The following SNAP91 variants were observed in gnomAD, a reference collection of about 807,000 sequenced individuals.
The protein encoded by SNAP91 is clathrin coat assembly protein AP180.
SNAP91 carries 27 observed loss-of-function variants against 100.3 expected under a neutral mutation model. The ratio of observed to expected loss-of-function variants is 0.27; its 90% CI spans 0.20 to 0.37. The LOEUF is 0.37. Ranked by LOEUF, SNAP91 falls within the 10% of genes least tolerant of loss-of-function variation. The pLI, the probability that SNAP91 is intolerant of heterozygous loss-of-function variation, is 1.00. For synonymous variants in SNAP91, 404 were observed against 398.6 expected, an observed-to-expected ratio of 1.01 and a Z score of -0.16; for missense variants, 986 against 1,123.7, an observed-to-expected ratio of 0.88 and a Z score of 1.75.
Position 83,661,549 on chromosome 6 carries a change from A to G in SNAP91, c.405T>C (p.Ala135=), listed in dbSNP as rs973422401. Residue 135 remains alanine, a synonymous_variant, in exon 5 of 30, where the codon GCT becomes GCC. Transcript: ENST00000369694. ...RRYSRYLNEK[A]FSYRQMAFDF... The stretch of plus-strand genomic sequence containing the variant: ...CAAAGGCCATCTGTCTGTAAGAAAA[A>G]GCCTTTTCATTCAAATATCTACTAT... 1 of 1,611,586 alleles carries G rather than the reference A, an allele frequency of 6.2e-7. No homozygotes were observed. The highest frequency in any genetic ancestry group is 8.5e-7 in the Non-Finnish European group (1 of 1,178,834).
chr6:83,705,994 G>A (rs1322110427), intron 2 of SNAP91, among the ~76,000 whole-genome samples: 8 of 152,010 alleles, frequency 5.3e-5, no homozygotes, highest in Admixed American at 1.3e-4. Flanking sequence ...TTATAACATG[G>A]AATCTTCCCC....
intron 7 of SNAP91, among the ~76,000 whole-genome samples, chr6:83,646,272 G>C (rs2128601700): frequency 6.6e-6 from 1 of 152,252 alleles, no homozygotes; most frequent in Non-Finnish European, 1.5e-5. Flanking sequence ...TCACACCTCT[G>C]ATGTTGTATC....
At chr6:83,642,614 A>C (rs1284560159) in intron 7 of SNAP91, among the ~76,000 whole-genome samples, 1 of 152,208 alleles carries the variant, frequency 6.6e-6, no homozygotes. Flanking sequence ...GTTGGTTCCA[A>C]GTCTTTGCTA....
intron 2 of SNAP91, among the ~76,000 whole-genome samples, chr6:83,671,265 T>C (rs2098781422): frequency 6.6e-6 from 1 of 152,102 alleles, no homozygotes. Flanking sequence ...TTCTTCAAGA[T>C]ATGGGGATAT....
Position 83,707,812 on chromosome 6 carries a change from T to C in SNAP91, c.116A>G (p.Lys39Arg). The change falls in exon 2 of 30, where the codon AAA (lysine) becomes AGA (arginine). Residue 39 changes from lysine (K) to arginine (R), a missense_variant. Coordinates refer to ENST00000369694, the MANE Select transcript of SNAP91 (RefSeq NM_001242792.2). ...ATTHEVMGPK[K>R]KHLDYLIQAT... ...GAGATGCTTACAGTCCAGGTGCTTTTTCTTGGGGCCCATTACTTCATGAGT... is the reference window on the plus strand; with the variant it reads ...GAGATGCTTACAGTCCAGGTGCTTTCTCTTGGGGCCCATTACTTCATGAGT... 2.5e-6 allele frequency: 4 copies of C among 1,613,384 alleles called. No homozygotes were observed. The highest frequency in any genetic ancestry group is 3.4e-6 in the Non-Finnish European group (4 of 1,179,638).
rs535707994 is a variant in SNAP91, at chr6:83,557,130, C to A, written c.2632-885G>T. ...CACAGATATAACTTCTGGGAGCTGACTTTTACAGGATACAAGGTCTTGAAA... is the reference window on the plus strand; with the variant it reads ...CACAGATATAACTTCTGGGAGCTGAATTTTACAGGATACAAGGTCTTGAAA... On this transcript the variant is annotated intron_variant, in intron 28 of 29. Transcript: ENST00000369694. Among the ~76,000 whole-genome samples, 4 of 152,238 alleles carry A rather than the reference C, an allele frequency of 2.6e-5. No homozygotes were observed. In the East Asian group the frequency reaches 7.7e-4, roughly 29 times the overall value.
At chr6:83,681,735 G>A (rs1411387334) in intron 2 of SNAP91, among the ~76,000 whole-genome samples, 3 of 152,146 alleles carry the variant, frequency 2.0e-5, no homozygotes, top group Non-Finnish European at 4.4e-5. Context: ...AGAGAGATGA[G>A]AGGGGTATCT....
chr6:83,708,185 A>G, intron 1 of SNAP91: 1 of 454,714 alleles, frequency 2.2e-6, no homozygotes, highest in South Asian at 3.3e-5. Flanking sequence ...CTCCAGTCGC[A>G]GCATCGTGAC....
intron 22 of SNAP91, among the ~76,000 whole-genome samples, chr6:83,586,139 C>T (rs748421391): frequency 5.3e-5 from 8 of 152,256 alleles, no homozygotes; most frequent in Admixed American, 6.5e-5. Context: ...CATGAGCCAC[C>T]GTGCCCGGCC....
chr6:83,667,267 G>C (rs1028629645), intron 2 of SNAP91, among the ~76,000 whole-genome samples: 4 of 152,006 alleles, frequency 2.6e-5, no homozygotes, highest in African/African-American at 9.7e-5. Context: ...CTACAACTTG[G>C]AGAATTGTAG....
At chr6:83,576,653 G>A (rs1406378712) in intron 24 of SNAP91, among the ~76,000 whole-genome samples, 2 of 152,140 alleles carry the variant, frequency 1.3e-5, no homozygotes, top group East Asian at 1.9e-4. Flanking sequence ...ATAGCTTAAG[G>A]AAGTCTGCAT....
At chr6:83,696,506 A>C (rs949994881) in intron 2 of SNAP91, among the ~76,000 whole-genome samples, 6 of 152,164 alleles carry the variant, frequency 3.9e-5, no homozygotes, top group Admixed American at 1.3e-4. Flanking sequence ...GGCCATCTAC[A>C]ACCTTGGTGT....
At chr6:83,568,476 TATA>T (rs56267925) in intron 26 of SNAP91, among the ~76,000 whole-genome samples, 4,762 of 147,446 alleles carry the variant, frequency 0.032, 191 homozygotes, top group African/African-American at 0.094. Context: ...CACATTAAAG[TATA>T]ATAATAATAA....
Position 83,607,716 on chromosome 6 carries a change from A to G in SNAP91, c.1005T>C (p.Ser335=). The change falls in exon 13 of 30, where the codon TCT becomes TCC. Residue 335 remains serine (S), a synonymous_variant. Transcript: ENST00000369694. ...SPPVDLFATA[S]AAVPVSTSKP... Reference sequence around the variant, plus strand: ...TTACCAACCTGACTGGGACAGCCGCAGATGCAGTTGCAAATAAATCAACCG... The same window carrying G: ...TTACCAACCTGACTGGGACAGCCGCGGATGCAGTTGCAAATAAATCAACCG... The G allele has an allele frequency of 6.3e-7, 1 of 1,582,148 alleles. No individual in the cohort carries two copies. Among genetic ancestry groups the G allele is most frequent in the South Asian group, 1.2e-5 (1 of 86,088 alleles).
chr6:83,616,993 A>G lies in SNAP91; in HGVS notation c.854T>C (p.Leu285Ser). Residue 285 changes from leucine to serine, a missense_variant, in exon 10 of 30, where the codon TTA (leucine) becomes TCA (serine). Leu to Ser is a moderately radical substitution (Grantham distance 145). Around this residue, in one of 4 missense-constraint regions of SNAP91, gnomAD observed 330 missense variants for 447.5 expected, o/e 0.74. Coordinates refer to ENST00000369694, the MANE Select transcript of SNAP91 (RefSeq NM_001242792.2). ...CTTGTTTCCAGGTTTCTTTCCTTCT[A>G]ATGTATTTAGATGCTGTTCAAGCGT... The part of the protein sequence containing the change: ...METLEQHLNT[L>S]EGKKPGNNEG... The G allele has an allele frequency of 1.3e-6, 2 of 1,547,636 alleles. No homozygotes were observed. Among genetic ancestry groups the G allele is most frequent in the Non-Finnish European group, 1.7e-6 (2 of 1,144,744 alleles).
chr6:83,661,416 C>T (rs1310073810), intron 5 of SNAP91, 86 bp downstream of exon 5: 2 of 722,788 alleles, frequency 2.8e-6, no homozygotes, highest in Non-Finnish European at 4.4e-6. Context: ...AGAAAATTAG[C>T]TGGCATTTAA....
chr6:83,586,478 A>T (rs1210294115), intron 22 of SNAP91, among the ~76,000 whole-genome samples: 3 of 152,124 alleles, frequency 2.0e-5, no homozygotes, highest in African/African-American at 7.2e-5. Flanking sequence ...TGATGGAAAA[A>T]CATGGTTGTC....
intron 6 of SNAP91, among the ~76,000 whole-genome samples, chr6:83,657,363 G>C (rs1312542653): frequency 6.6e-6 from 1 of 152,042 alleles, no homozygotes; most frequent in African/African-American, 2.4e-5. Flanking sequence ...CAACACAAAG[G>C]CACATAATTT....
chr6:83,599,416 C>G (rs773977312), intron 16 of SNAP91, among the ~76,000 whole-genome samples: 31 of 152,112 alleles, frequency 2.0e-4, no homozygotes, highest in Non-Finnish European at 3.5e-4. Context: ...TCTGTTAACA[C>G]AAGCCTATGA....
Sources: allele counts gnomAD v4.1 joint callset (sites outside exome capture counted in the v4.1 genomes callset), GRCh38; gene constraint gnomAD v4.1.1; regional missense constraint gnomAD v4.1.1; transcripts MANE v1.5; gene names NCBI Gene and HGNC (gene_info 2026-07-23, HGNC 2026-07-21).